SS18: variants seen among roughly 807,000 people sequenced by gnomAD.
SS18 encodes SS18 subunit of BAF chromatin remodeling complex, also known as protein SSXT.
Under a neutral mutation model 72.5 loss-of-function variants are expected in SS18, and 28 were observed. That is an observed-to-expected ratio of 0.39 (90% CI 0.29 to 0.53). The LOEUF is 0.53. Among genes scored for constraint, SS18 ranks in the 20% least tolerant of loss-of-function variants. SS18 has a pLI of 0.76. For synonymous variants in SS18, 172 were observed against 164.2 expected (o/e 1.05, Z -0.37); for missense variants, 518 against 535.3 (o/e 0.97, Z 0.32).
At chr18:26,077,700 T>C (rs2054441573) in intron 3 of SS18, among the ~76,000 whole-genome samples, 1 of 152,138 alleles carries the variant, frequency 6.6e-6, no homozygotes, top group Non-Finnish European at 1.5e-5. Flanking sequence ...ATGGTTAACT[T>C]AGTTGGGTAT....
chr18:26,024,969 T>A (rs897313604), intron 10 of SS18, among the ~76,000 whole-genome samples: 1 of 150,380 alleles, frequency 6.6e-6, no homozygotes, highest in African/African-American at 2.4e-5. Flanking sequence ...TGAAAAATTA[T>A]TATTCTAATA....
chr18:26,030,408 A>G (rs1401650369), intron 10 of SS18, among the ~76,000 whole-genome samples: 2 of 152,214 alleles, frequency 1.3e-5, no homozygotes, highest in African/African-American at 4.8e-5. Flanking sequence ...CCTTCCACAT[A>G]AATCTTAGCT....
chr18:26,017,604 T>C lies in SS18; in HGVS notation c.*750A>G, dbSNP rs1211853210. On this transcript the variant is annotated 3_prime_UTR_variant, in exon 11 of 11. Coordinates refer to ENST00000415083, the MANE Select transcript of SS18 (RefSeq NM_001007559.3). The stretch of plus-strand genomic sequence containing the variant: ...ACAAAGTAATTCTTATTGCCTCACA[T>C]TTTAAAACAGTATTATAAATGATCT... 9.8e-6 allele frequency: 2 copies of C among 203,058 alleles called. No homozygotes were observed. Among genetic ancestry groups the C allele is most frequent in the Non-Finnish European group, 2.0e-5 (2 of 98,792 alleles). The allele number at this position is 203,058 out of a possible 1,614,324, so 12.6% of individuals were successfully genotyped here.
chr18:26,027,547 C>A (rs2053467687), intron 10 of SS18, among the ~76,000 whole-genome samples: 1 of 151,354 alleles, frequency 6.6e-6, no homozygotes, highest in African/African-American at 2.4e-5. Context: ...TAGCGCACAC[C>A]TGTAGTCCTC....
chr18:26,060,322 C>G (rs111847643), intron 3 of SS18, among the ~76,000 whole-genome samples: 1 of 152,058 alleles, frequency 6.6e-6, no homozygotes, highest in African/African-American at 2.4e-5. Flanking sequence ...TGATTCTATT[C>G]ATAAGAAATG....
At chr18:26,065,913 C>T (rs181010652) in intron 3 of SS18, among the ~76,000 whole-genome samples, 121 of 148,590 alleles carry the variant, frequency 8.1e-4, no homozygotes, top group Admixed American at 2.1e-3. Flanking sequence ...TTTGGAAAAC[C>T]TCTTGGGGAT....
In SS18 at chr18:26,037,516, CAAA is replaced by C. The variant is rs2053646382; in HGVS notation, c.880+1036_880+1038del. 2.0e-5 allele frequency among the ~76,000 whole-genome samples: 3 copies of C among 151,930 alleles called. 1 individual carries two copies. Among genetic ancestry groups the C allele is most frequent in the South Asian group, 4.2e-4 (2 of 4,818 alleles). ...TTACATATGAAAAGAAAAAACAAAA[CAAA>C]AACCAATGTCCTTAAGTACAAATGT... On this transcript the variant is annotated intron_variant, in intron 7 of 10. Coordinates refer to ENST00000415083, the MANE Select transcript of SS18 (RefSeq NM_001007559.3).
chr18:26,045,930 T>C (rs1317727005), intron 5 of SS18, among the ~76,000 whole-genome samples: 1 of 152,134 alleles, frequency 6.6e-6, no homozygotes, highest in Non-Finnish European at 1.5e-5. Context: ...CGCCTGTATG[T>C]ACTCCCAGTA....
At chr18:26,053,307 T>G (rs1054857973) in intron 4 of SS18, among the ~76,000 whole-genome samples, 1 of 152,070 alleles carries the variant, frequency 6.6e-6, no homozygotes, top group Non-Finnish European at 1.5e-5. Context: ...AAAAAACAAG[T>G]TGGATCACTA....
At chr18:26,030,776 A>G (rs376975464) in intron 10 of SS18, among the ~76,000 whole-genome samples, 63 of 152,290 alleles carry the variant, frequency 4.1e-4, no homozygotes, top group African/African-American at 1.5e-3. Context: ...AGAGGGCAGT[A>G]TGATTCAGAG....
intron 5 of SS18, among the ~76,000 whole-genome samples, chr18:26,040,379 T>C (rs1477604356): frequency 3.3e-5 from 5 of 152,308 alleles, no homozygotes; most frequent in African/African-American, 1.2e-4. Flanking sequence ...GAACTCATCA[T>C]TTTGCCATTA....
At position 26,078,057 on chromosome 18, in the gene SS18, T is replaced by A. The variant is rs1423855329; in HGVS notation, c.231+19A>T. ...AACTATAAAGATTGTCTACTTCACA[T>A]GATTTTAAAGATACTTACTGCTGGT... is the stretch of plus-strand genomic sequence containing the variant. On this transcript the variant is annotated intron_variant, in intron 3 of 10. Coordinates refer to ENST00000415083, the MANE Select transcript of SS18 (RefSeq NM_001007559.3). The A allele has an allele frequency of 5.7e-6, 9 of 1,571,544 alleles. No individual in the cohort carries two copies. The highest frequency in any genetic ancestry group is 7.8e-6 in the Non-Finnish European group (9 of 1,146,680).
intron 3 of SS18, among the ~76,000 whole-genome samples, chr18:26,066,600 GCACACACACACACACA>G (rs35011668): frequency 1.4e-5 from 2 of 144,332 alleles, no homozygotes; most frequent in Non-Finnish European, 3.1e-5. Flanking sequence ...GGAAATTTGT[GCACACACACACACACA>G]CACACACACA....
chr18:26,032,807 T>TA (rs1254219076), intron 9 of SS18, among the ~76,000 whole-genome samples: 1 of 152,162 alleles, frequency 6.6e-6, no homozygotes, highest in East Asian at 1.9e-4. Context: ...CAGGGAGTTG[T>TA]AAAGCAGGTT....
At chr18:26,090,767 G>A (rs2054713725), upstream of SS18, 2 of 613,980 alleles carry the variant, frequency 3.3e-6, no homozygotes, top group Admixed American at 2.9e-5. Flanking sequence ...CGCACTCTGG[G>A]GGACCCCTAG....
At chr18:26,083,105 C>T (rs1262185341) in intron 2 of SS18, among the ~76,000 whole-genome samples, 1 of 151,914 alleles carries the variant, frequency 6.6e-6, no homozygotes, top group Admixed American at 6.6e-5. Context: ...GAAAGAATAT[C>T]TGAAGAACAA....
intron 5 of SS18, among the ~76,000 whole-genome samples, chr18:26,048,325 T>C (rs2053864975): frequency 6.6e-6 from 1 of 152,240 alleles, no homozygotes; most frequent in Non-Finnish European, 1.5e-5. Context: ...TCCAGAAGTA[T>C]TTGTAAAAGA....
At chr18:26,018,905 G>A (rs867884651) in intron 10 of SS18, among the ~76,000 whole-genome samples, 20 of 152,310 alleles carry the variant, frequency 1.3e-4, no homozygotes, top group South Asian at 2.1e-4. Flanking sequence ...GCCTTTCCCT[G>A]AGGTCAACAA....
At chr18:26,090,616 A>G, upstream of SS18, 6 of 1,538,942 alleles carry the variant, frequency 3.9e-6, no homozygotes, top group Non-Finnish European at 5.3e-6. Context: ...CTCCGGGTGA[A>G]CGGCAAACTG....
Sources: gnomAD v4.1 joint callset for allele counts (sites outside exome capture counted in the v4.1 genomes callset) on GRCh38, gnomAD v4.1.1 for gene constraint, MANE v1.5 for transcripts, NCBI Gene and HGNC (gene_info 2026-07-23, HGNC 2026-07-21) for gene names.